The following UNC79 variants were observed in gnomAD, a reference collection of about 807,000 sequenced individuals.
UNC79 encodes the protein unc-79 subunit of NALCN channel complex, also known as protein unc-79 homolog.
In UNC79, 37 loss-of-function variants were observed where a neutral mutation model predicts 283.1. The ratio of observed to expected loss-of-function variants is 0.13; its 90% CI spans 0.10 to 0.17. The LOEUF is 0.17. Among genes scored for constraint, UNC79 ranks in the 10% least tolerant of loss-of-function variants. The pLI, the probability that UNC79 is intolerant of heterozygous loss-of-function variation, is 1.00. For missense variants in UNC79, 2,272 were observed against 3,211.1 expected, an observed-to-expected ratio of 0.71 and a Z score of 7.07; for synonymous variants, 1,107 against 1,200.2, an observed-to-expected ratio of 0.92 and a Z score of 1.61.
chr14:93,698,193 G>A (rs1195245635), intron 47 of UNC79, among the ~76,000 whole-genome samples: 1 of 152,090 alleles, frequency 6.6e-6, no homozygotes, highest in Non-Finnish European at 1.5e-5. Context: ...AAAAGAATGT[G>A]TCTTCTGCTG....
chr14:93,657,898 ATTG>A (rs1181863756), intron 38 of UNC79, among the ~76,000 whole-genome samples: 2 of 152,148 alleles, frequency 1.3e-5, no homozygotes, highest in Admixed American at 6.5e-5. Context: ...ACGCCTGCCA[ATTG>A]TTGTTCTGTG....
intron 26 of UNC79, among the ~76,000 whole-genome samples, chr14:93,611,684 G>T (rs2066319497): frequency 6.6e-6 from 1 of 152,068 alleles, no homozygotes; most frequent in African/African-American, 2.4e-5. Flanking sequence ...TAATAATAAT[G>T]GGTGTAACCA....
At chr14:93,551,015 A>G (rs1373569138) in intron 14 of UNC79, among the ~76,000 whole-genome samples, 2 of 151,820 alleles carry the variant, frequency 1.3e-5, no homozygotes, top group African/African-American at 2.4e-5. Context: ...AGCTGGTAGG[A>G]TTTATTTTTT....
At position 93,691,299 on chromosome 14, in the gene UNC79, G is replaced by T. The variant is rs139437356; in HGVS notation, c.7273-450G>T. On this transcript the variant is annotated intron_variant, in intron 45 of 48. Transcript: ENST00000555664. The stretch of plus-strand genomic sequence containing the variant: ...GCTTTCCGCTAGGAGGAGGATCTCC[G>T]CTGCTGCTGCTATGATTATGAACTT... 1,233 of 183,922 alleles carry T rather than the reference G, an allele frequency of 6.7e-3. 12 individuals carry two copies. The highest frequency in any genetic ancestry group is 0.024 in the African/African-American group (1,042 of 43,300). 11.4% of individuals were successfully genotyped at this position (183,922 alleles called of 1,614,324 possible). A position where few individuals can be genotyped will look rare whatever the true frequency, so the allele number is the denominator to read the frequency against.
intron 3 of UNC79, among the ~76,000 whole-genome samples, chr14:93,475,815 G>A (rs1355473362): frequency 1.3e-5 from 2 of 152,154 alleles, no homozygotes; most frequent in Non-Finnish European, 2.9e-5. Flanking sequence ...CTGTGTAATT[G>A]CAATTAATGT....
intron 46 of UNC79, among the ~76,000 whole-genome samples, chr14:93,692,310 A>C (rs2074757927): frequency 6.6e-6 from 1 of 152,226 alleles, no homozygotes; most frequent in South Asian, 2.1e-4. Flanking sequence ...TCCACAATGT[A>C]TATCTATCTC....
chr14:93,538,690 G>A (rs189792291), intron 12 of UNC79, among the ~76,000 whole-genome samples: 14 of 151,726 alleles, frequency 9.2e-5, no homozygotes, highest in African/African-American at 3.4e-4. Context: ...AAACAGGTGC[G>A]GGACAACTCC....
chr14:93,431,164 C>T, intron 1 of UNC79, 113 bp downstream of exon 1: 1 of 13,822 alleles, frequency 7.2e-5, no homozygotes, highest in Non-Finnish European at 1.5e-4. Flanking sequence ...GGGGTGGGGG[C>T]TGAGGTTGGG....
Position 93,531,849 on chromosome 14 carries a change from C to T in UNC79, c.1094-701C>T, listed in dbSNP as rs2060836846. The stretch of plus-strand genomic sequence containing the variant: ...GCTTGTGTGACCTTGAAGAATTTAC[C>T]TAACCACAGTGGTTCTCAGTTTTGT... On this transcript the variant is annotated intron_variant, in intron 10 of 48. Transcript: ENST00000555664. This position sits in a 1 kb window ranked among gnomAD's most constrained non-coding sequence, Gnocchi z 4.2. Among the ~76,000 whole-genome samples the T allele has an allele frequency of 6.6e-6, 1 of 152,190 alleles. No homozygotes were observed. The highest frequency in any genetic ancestry group is 2.4e-5 in the African/African-American group (1 of 41,442).
chr14:93,646,767 TG>T (rs1333663136), intron 35 of UNC79, 121 bp downstream of exon 38: 1 of 1,062,544 alleles, frequency 9.4e-7, no homozygotes, highest in African/African-American at 1.6e-5. Flanking sequence ...CTCAGCACTT[TG>T]GGAGGCCAGG....
At chr14:93,588,415 A>C (rs1595967574) in intron 22 of UNC79, among the ~76,000 whole-genome samples, 1 of 152,156 alleles carries the variant, frequency 6.6e-6, no homozygotes, top group Admixed American at 6.5e-5. Context: ...TAGAGAGAAA[A>C]GGGAGTAGAC....
At chr14:93,563,566 C>G (rs11160131) in intron 14 of UNC79, among the ~76,000 whole-genome samples, 151,405 of 152,308 alleles carry the variant, frequency 0.99, 75,258 homozygotes, top group Middle Eastern at 1. Flanking sequence ...GGTAGTGCAG[C>G]GGGGGCAGAG....
Position 93,474,112 on chromosome 14 carries a change from A to C in UNC79, c.167A>C (p.Lys56Thr). ...AGCATTTTGTCCCGCACAGGGAAGA[A>C]GGAAAACCAAGATGCCTCCAATTTG... The change falls in exon 3 of 49, where the codon AAG becomes ACG. Residue 56 changes from lysine to threonine, a missense_variant. Transcript: ENST00000555664. The surrounding 1 kb of genome is among the most constrained non-coding windows in gnomAD (Gnocchi z 4.1). The C allele has an allele frequency of 1.3e-6, 2 of 1,535,922 alleles. No homozygotes were observed. The highest frequency in any genetic ancestry group is 1.7e-6 in the Non-Finnish European group (2 of 1,146,758).
chr14:93,517,596 C>A (rs2140929665), intron 7 of UNC79, among the ~76,000 whole-genome samples: 1 of 151,032 alleles, frequency 6.6e-6, no homozygotes, highest in South Asian at 2.1e-4. Context: ...TATATGATTT[C>A]TTCCCTTCAT....
At chr14:93,431,827 T>C (rs1194080766) in intron 1 of UNC79, among the ~76,000 whole-genome samples, 1 of 152,224 alleles carries the variant, frequency 6.6e-6, no homozygotes, top group Non-Finnish European at 1.5e-5. Context: ...GTTTCTAATA[T>C]GGTTCCCATA....
At chr14:93,558,352 C>G (rs943649036) in intron 14 of UNC79, among the ~76,000 whole-genome samples, 2 of 152,022 alleles carry the variant, frequency 1.3e-5, no homozygotes, top group Non-Finnish European at 2.9e-5. Context: ...GTCAGGAGAT[C>G]GAGACCATCC....
rs555896975 is a variant in UNC79 at position 93,343,461 on chromosome 14, C to T, written c.-351+9938C>T. Reference sequence around the variant, plus strand: ...TTGTTGCTTACTTATCTGAGTATCTCGATCATTGAGGTTGTGCAATTGTAA... The same window carrying T: ...TTGTTGCTTACTTATCTGAGTATCTTGATCATTGAGGTTGTGCAATTGTAA... On this transcript the variant is annotated intron_variant, in intron 1 of 49. Coordinates refer to the UNC79 transcript ENST00000256339. Among the ~76,000 whole-genome samples the T allele has an allele frequency of 7.2e-5, 11 of 152,268 alleles. No homozygotes were observed. In the South Asian group the frequency reaches 1.5e-3, roughly 20 times the overall value.
intron 10 of UNC79, 67 bp from the exon 11 acceptor site, chr14:93,532,483 A>T: frequency 6.5e-7 from 1 of 1,541,878 alleles, no homozygotes; most frequent in Non-Finnish European, 8.8e-7. Context: ...AAATAAATTA[A>T]TTAATTAAAT....
chr14:93,423,832 G>T (rs2055663586), intron 1 of UNC79, among the ~76,000 whole-genome samples: 1 of 152,050 alleles, frequency 6.6e-6, no homozygotes, highest in South Asian at 2.1e-4. Flanking sequence ...TACTCCACAG[G>T]CACAGGCAAC....
Sources: gnomAD v4.1 joint callset for allele counts (sites outside exome capture counted in the v4.1 genomes callset) on GRCh38, gnomAD v4.1.1 for gene constraint, Gnocchi (gnomAD v3.1) non-coding constraint, MANE v1.5 for transcripts, NCBI Gene and HGNC (gene_info 2026-07-23, HGNC 2026-07-21) for gene names.